WWOX: variants seen among roughly 807,000 people sequenced by gnomAD.
WWOX encodes the protein WW domain-containing oxidoreductase.
In WWOX, 69 loss-of-function variants were observed where a neutral mutation model predicts 46.2. The ratio of observed to expected loss-of-function variants is 1.49; its 90% CI spans 1.23 to 1.82. The LOEUF (loss-of-function observed/expected upper bound fraction) is 1.82, where lower values mean the gene tolerates loss of function less well. Ranked by LOEUF, WWOX falls within the 40% of genes most tolerant of loss-of-function variation. WWOX has a pLI of 0.00. For synonymous variants in WWOX, 359 were observed against 202.6 expected (o/e 1.77, Z -6.56); for missense variants, 919 against 542.6 (o/e 1.69, Z -6.89).
intron 5 of WWOX, among the ~76,000 whole-genome samples, chr16:78,191,826 C>T (rs1206078277): frequency 1.3e-5 from 2 of 152,136 alleles, no homozygotes; most frequent in Non-Finnish European, 2.9e-5. Context: ...TCAGAATTTA[C>T]AGGATATTTG....
chr16:78,307,577 G>A (rs573281446), intron 5 of WWOX, among the ~76,000 whole-genome samples: 1 of 152,222 alleles, frequency 6.6e-6, no homozygotes, highest in Non-Finnish European at 1.5e-5. Context: ...GGAACCAGCT[G>A]TGCTGACACC....
intron 8 of WWOX, among the ~76,000 whole-genome samples, chr16:78,704,701 A>G (rs974295036): frequency 6.6e-6 from 1 of 152,154 alleles, no homozygotes; most frequent in Non-Finnish European, 1.5e-5. Context: ...GTGTAATAGT[A>G]AGCAGACAGT....
intron 8 of WWOX, among the ~76,000 whole-genome samples, chr16:79,022,934 C>G (rs989264988): frequency 6.6e-6 from 1 of 152,134 alleles, no homozygotes; most frequent in African/African-American, 2.4e-5. Context: ...AAAAATGCAT[C>G]TGCTAATAAT....
At chr16:79,033,538 C>G (rs2047807121) in intron 8 of WWOX, among the ~76,000 whole-genome samples, 1 of 152,028 alleles carries the variant, frequency 6.6e-6, no homozygotes, top group African/African-American at 2.4e-5. Context: ...TCCCCTGGCC[C>G]TCACTACCAC....
At chr16:78,906,827 C>T (rs1282263704) in intron 8 of WWOX, among the ~76,000 whole-genome samples, 1 of 152,166 alleles carries the variant, frequency 6.6e-6, no homozygotes, top group Non-Finnish European at 1.5e-5. Context: ...TTGCTCTAAA[C>T]CAGCAGTAGG....
chr16:78,164,088 G>A lies in WWOX; in HGVS notation c.410-95G>A, dbSNP rs191202312. The A allele has an allele frequency of 8.8e-6, 10 of 1,137,992 alleles. No individual in the cohort carries two copies. In the Admixed American group the frequency reaches 1.8e-4, roughly 20 times the overall value. The allele number at this position is 1,137,992 out of a possible 1,614,324, so 70.5% of individuals were successfully genotyped here. On this transcript the variant is annotated intron_variant, in intron 4 of 8. Coordinates refer to ENST00000566780, the MANE Select transcript of WWOX (RefSeq NM_016373.4). ...CAAAATCACCCCTGGTTGAGAACTT[G>A]GGGTAATTTAAGTGGTGCTCCGGTA...
chr16:78,805,772 AT>A (rs1416391146), intron 8 of WWOX, among the ~76,000 whole-genome samples: 3 of 152,216 alleles, frequency 2.0e-5, no homozygotes, highest in Non-Finnish European at 2.9e-5. Flanking sequence ...CTCCATAGAT[AT>A]CCAGTTTTTG....
At chr16:78,905,948 C>G (rs578045584) in intron 8 of WWOX, among the ~76,000 whole-genome samples, 28 of 152,208 alleles carry the variant, frequency 1.8e-4, no homozygotes, top group African/African-American at 5.5e-4. Flanking sequence ...TTAAAGGACC[C>G]AAGAGCTAAA....
At chr16:78,495,239 C>G (rs1184417649) in intron 8 of WWOX, among the ~76,000 whole-genome samples, 2 of 145,626 alleles carry the variant, frequency 1.4e-5, no homozygotes, top group Non-Finnish European at 3.0e-5. Context: ...CTCCTAGATT[C>G]AAGCGATTCT....
At chr16:78,136,357 A>G (rs2033789736) in intron 4 of WWOX, among the ~76,000 whole-genome samples, 1 of 152,220 alleles carries the variant, frequency 6.6e-6, no homozygotes, top group Non-Finnish European at 1.5e-5. Flanking sequence ...ATTCAGATTC[A>G]TAACAGGCTT....
intron 5 of WWOX, among the ~76,000 whole-genome samples, chr16:78,194,335 C>G (rs2035979354): frequency 6.6e-6 from 1 of 151,620 alleles, no homozygotes; most frequent in Admixed American, 6.6e-5. Flanking sequence ...CACCTGTAAT[C>G]TCTGCAATTT....
At chr16:78,182,950 C>CAAAA (rs1193436425) in intron 5 of WWOX, among the ~76,000 whole-genome samples, 3 of 114,714 alleles carry the variant, frequency 2.6e-5, no homozygotes, top group African/African-American at 6.3e-5. Flanking sequence ...GAATCTGTCT[C>CAAAA]AAAAAAAAAA....
intron 8 of WWOX, among the ~76,000 whole-genome samples, chr16:78,871,066 C>A (rs996265440): frequency 6.6e-6 from 1 of 152,222 alleles, no homozygotes; most frequent in South Asian, 2.1e-4. Flanking sequence ...TTTAAATTAT[C>A]CCCTATAGCT....
chr16:78,123,427 TGTTTTTTGTTTTG>T (rs2033191499), intron 4 of WWOX: 6 of 136,764 alleles, frequency 4.4e-5, no homozygotes, highest in African/African-American at 1.7e-4. Flanking sequence ...TTTTTTTCTT[TGTTTTTTGTTTTG>T]TTTTTTTTTT....
At chr16:78,625,046 C>G (rs8056131) in intron 8 of WWOX, among the ~76,000 whole-genome samples, 22,132 of 152,142 alleles carry the variant, frequency 0.15, 1,867 homozygotes, top group African/African-American at 0.22. Flanking sequence ...GAAGAGGTGT[C>G]TTCCCTGGCA....
At chr16:78,335,673 A>T (rs933113794) in intron 5 of WWOX, among the ~76,000 whole-genome samples, 1 of 152,200 alleles carries the variant, frequency 6.6e-6, no homozygotes, top group Admixed American at 6.5e-5. Flanking sequence ...CAGTTTTCAC[A>T]GTAGAAAAGA....
chr16:79,046,906 T>C (rs2048076002), intron 8 of WWOX, among the ~76,000 whole-genome samples: 4 of 152,164 alleles, frequency 2.6e-5, no homozygotes, highest in Admixed American at 2.6e-4. Context: ...ATACGATTGG[T>C]TACTCAAATT....
At chr16:78,742,750 C>T (rs928237663) in intron 8 of WWOX, among the ~76,000 whole-genome samples, 5 of 152,122 alleles carry the variant, frequency 3.3e-5, no homozygotes, top group African/African-American at 1.2e-4. Context: ...TTTGGTTTAT[C>T]GTGTGAGTTT....
intron 8 of WWOX, among the ~76,000 whole-genome samples, chr16:78,517,172 T>A (rs990047075): frequency 2.6e-5 from 4 of 151,916 alleles, no homozygotes; most frequent in Non-Finnish European, 5.9e-5. Flanking sequence ...TTTATAGGAG[T>A]GTGAATGATT....
Sources: gnomAD v4.1 joint callset for allele counts (sites outside exome capture counted in the v4.1 genomes callset) on GRCh38, gnomAD v4.1.1 for gene constraint, MANE v1.5 for transcripts, NCBI Gene and HGNC (gene_info 2026-07-23, HGNC 2026-07-21) for gene names.